The following LMBRD1 variants were observed in gnomAD, a reference collection of about 807,000 sequenced individuals.
The protein encoded by LMBRD1 is LMBR1 domain containing 1, also known as lysosomal cobalamin transport escort protein LMBD1.
A neutral mutation model predicts 74.8 loss-of-function variants in LMBRD1; 64 were observed. The ratio of observed to expected loss-of-function variants is 0.86; its 90% confidence interval spans 0.70 to 1.05. The LOEUF is 1.05. Among genes scored for constraint, LMBRD1 ranks in the 50% least tolerant of loss-of-function variants. The probability of loss-of-function intolerance (pLI) is 0.00; values close to 1 mark genes in which losing one functional copy is unlikely to be tolerated. For synonymous variants in LMBRD1, 204 were observed against 216.3 expected, an observed-to-expected ratio of 0.94 and a Z score of 0.50; for missense variants, 652 against 645.9, an observed-to-expected ratio of 1.01 and a Z score of -0.10.
At chr6:69,764,056 T>G (rs1765428448) in intron 3 of LMBRD1, among the ~76,000 whole-genome samples, 1 of 152,084 alleles carries the variant, frequency 6.6e-6, no homozygotes, top group Admixed American at 6.6e-5. Flanking sequence ...TGCAACAAAC[T>G]TAACACTCTT....
rs1024056482 is a variant in LMBRD1, at chr6:69,676,091, T to C, written c.*67A>G. 1 of 1,292,692 alleles carries C rather than the reference T, an allele frequency of 7.7e-7. No individual in the cohort carries two copies. The highest frequency in any genetic ancestry group is 1.1e-6 in the Non-Finnish European group (1 of 894,038). The allele number at this position is 1,292,692 out of a possible 1,614,324, so 80.1% of individuals were successfully genotyped here. On this transcript the variant is annotated 3_prime_UTR_variant, in exon 16 of 16. Coordinates refer to ENST00000649934, the MANE Select transcript of LMBRD1 (RefSeq NM_018368.4). ...GCTAGTTAGCAAATCCTAATGTTAG[T>C]TTAATACTTTAAAAATGCATAACAG... is the stretch of plus-strand genomic sequence containing the variant.
At chr6:69,737,423 AT>A (rs1408835736) in intron 7 of LMBRD1, among the ~76,000 whole-genome samples, 1 of 151,938 alleles carries the variant, frequency 6.6e-6, no homozygotes, top group East Asian at 1.9e-4. Flanking sequence ...ATAAGAACAG[AT>A]TTCATATAAA....
intron 5 of LMBRD1, among the ~76,000 whole-genome samples, chr6:69,743,006 G>GA (rs536071754): frequency 1.8e-3 from 275 of 152,086 alleles, no homozygotes; most frequent in Admixed American, 2.2e-3. Flanking sequence ...AATAAATGTA[G>GA]AAAGTTTATT....
chr6:69,782,697 AAG>A (rs1554244253), intron 2 of LMBRD1, among the ~76,000 whole-genome samples: 3 of 151,472 alleles, frequency 2.0e-5, no homozygotes, highest in Non-Finnish European at 2.9e-5. Flanking sequence ...CAAAAAAAAA[AAG>A]AGAGAGAGAG....
chr6:69,742,557 C>G (rs1337989075), intron 5 of LMBRD1, among the ~76,000 whole-genome samples: 1 of 151,956 alleles, frequency 6.6e-6, no homozygotes, highest in Non-Finnish European at 1.5e-5. Context: ...ATATCAATAA[C>G]AAGAAGATAA....
chr6:69,796,936 G>T lies in LMBRD1; in HGVS notation c.-55C>A. On this transcript the variant is annotated 5_prime_UTR_variant, in exon 1 of 16. Transcript: ENST00000649934. Reference sequence around the variant, plus strand: ...GCCCGGGGTGGGGAAAGGGGAGGGGGAAAGGGGAGAGAGCGCGAGATATAC... The same window carrying T: ...GCCCGGGGTGGGGAAAGGGGAGGGGTAAAGGGGAGAGAGCGCGAGATATAC... 1.4e-6 allele frequency: 2 copies of T among 1,476,132 alleles called. No individual in the cohort carries two copies. The highest frequency in any genetic ancestry group is 1.9e-6 in the Non-Finnish European group (2 of 1,062,534). 91.4% of individuals were successfully genotyped at this position (1,476,132 alleles called of 1,614,324 possible). A position where few individuals can be genotyped will look rare whatever the true frequency, so the allele number is the denominator to read the frequency against.
At chr6:69,727,619 C>T (rs1022103330) in intron 7 of LMBRD1, among the ~76,000 whole-genome samples, 1 of 152,142 alleles carries the variant, frequency 6.6e-6, no homozygotes, top group African/African-American at 2.4e-5. Context: ...GTGATGGCTA[C>T]ACTAAAAGCC....
intron 3 of LMBRD1, among the ~76,000 whole-genome samples, chr6:69,761,710 T>A (rs1765377543): frequency 6.6e-6 from 1 of 152,232 alleles, no homozygotes; most frequent in South Asian, 2.1e-4. Flanking sequence ...GGTAAATTTA[T>A]AAAGTTCTAT....
chr6:69,717,397 C>T (rs555214287), intron 8 of LMBRD1, among the ~76,000 whole-genome samples: 2 of 152,138 alleles, frequency 1.3e-5, no homozygotes, highest in Admixed American at 6.5e-5. Context: ...CTATATTTGA[C>T]GTTAATGGGA....
At chr6:69,764,886 T>G (rs1270354191) in intron 3 of LMBRD1, among the ~76,000 whole-genome samples, 2 of 152,062 alleles carry the variant, frequency 1.3e-5, no homozygotes, top group African/African-American at 4.8e-5. Context: ...GAACTCTTTT[T>G]CTAACTTAAG....
At chr6:69,772,377 C>A (rs1019876848) in intron 3 of LMBRD1, among the ~76,000 whole-genome samples, 2 of 152,026 alleles carry the variant, frequency 1.3e-5, no homozygotes, top group African/African-American at 4.8e-5. Context: ...GAAGAAAAAA[C>A]AAGAACATAT....
intron 14 of LMBRD1, among the ~76,000 whole-genome samples, chr6:69,690,338 A>T (rs1765850363): frequency 6.6e-6 from 1 of 152,146 alleles, no homozygotes; most frequent in African/African-American, 2.4e-5. Context: ...TGAACGACTC[A>T]AACAAAAATG....
At chr6:69,737,244 G>T (rs1360651882) in intron 7 of LMBRD1, among the ~76,000 whole-genome samples, 1 of 152,030 alleles carries the variant, frequency 6.6e-6, no homozygotes, top group Non-Finnish European at 1.5e-5. Flanking sequence ...TAATATTAAT[G>T]CTGCTTATAC....
intron 7 of LMBRD1, among the ~76,000 whole-genome samples, chr6:69,737,185 G>T (rs1371368033): frequency 6.6e-6 from 1 of 152,034 alleles, no homozygotes; most frequent in Non-Finnish European, 1.5e-5. Flanking sequence ...ATCTTTGCAA[G>T]AATTAAGAGT....
At chr6:69,766,804 A>G (rs1320469923) in intron 3 of LMBRD1, among the ~76,000 whole-genome samples, 3 of 151,654 alleles carry the variant, frequency 2.0e-5, no homozygotes, top group Non-Finnish European at 4.4e-5. Context: ...TAAATACATA[A>G]TATGTGAAAT....
At chr6:69,695,945 A>G (rs2502556) in intron 14 of LMBRD1, among the ~76,000 whole-genome samples, 138,461 of 151,950 alleles carry the variant, frequency 0.91, 64,044 homozygotes, top group Middle Eastern at 0.99. Flanking sequence ...CCAGGTTCAA[A>G]TGATTCTCCT....
At chr6:69,706,508 C>T (rs1766262831) in intron 9 of LMBRD1, among the ~76,000 whole-genome samples, 1 of 152,116 alleles carries the variant, frequency 6.6e-6, no homozygotes, top group Non-Finnish European at 1.5e-5. Flanking sequence ...CTTCAGGATA[C>T]AATTAATAAT....
intron 7 of LMBRD1, among the ~76,000 whole-genome samples, chr6:69,732,211 T>C (rs1766873902): frequency 6.6e-6 from 1 of 152,158 alleles, no homozygotes; most frequent in African/African-American, 2.4e-5. Flanking sequence ...AAAATTCGTA[T>C]GTTGAAATCT....
At chr6:69,739,370 T>C (rs1237459882) in intron 6 of LMBRD1, among the ~76,000 whole-genome samples, 1 of 152,024 alleles carries the variant, frequency 6.6e-6, no homozygotes, top group Non-Finnish European at 1.5e-5. Context: ...TGAAGATGCA[T>C]TCTCTTTATA....
Sources: gnomAD v4.1 joint callset for allele counts (sites outside exome capture counted in the v4.1 genomes callset) on GRCh38, gnomAD v4.1.1 for gene constraint, MANE v1.5 for transcripts, NCBI Gene and HGNC (gene_info 2026-07-23, HGNC 2026-07-21) for gene names.